ACOT13: variants seen among roughly 807,000 people sequenced by gnomAD.
ACOT13 encodes the protein acyl-coenzyme A thioesterase 13.
Under a neutral mutation model 11.8 loss-of-function variants are expected in ACOT13, and 10 were observed. The observed-to-expected ratio is 0.85, with a 90% CI of 0.53 to 1.44. ACOT13 has a LOEUF of 1.44. Among genes scored for constraint, ACOT13 ranks in the 40% most tolerant of loss-of-function variants. The probability of loss-of-function intolerance (pLI) is 0.00; values close to 1 mark genes in which losing one functional copy is unlikely to be tolerated. For missense variants in ACOT13, 172 were observed against 174.1 expected (o/e 0.99, Z 0.07); for synonymous variants, 53 against 61.0 (o/e 0.87, Z 0.61).
chr6:24,675,414 T>C (rs1020592145), intron 1 of ACOT13, among the ~76,000 whole-genome samples: 1 of 152,160 alleles, frequency 6.6e-6, no homozygotes, highest in African/African-American at 2.4e-5. Context: ...TTTTTAATGA[T>C]CACCATTCTA....
chr6:24,689,952 T>C (rs1778696678), intron 1 of ACOT13, among the ~76,000 whole-genome samples: 1 of 152,198 alleles, frequency 6.6e-6, no homozygotes, highest in African/African-American at 2.4e-5. Context: ...GATGAATACA[T>C]TTTCTCTGCC....
At chr6:24,698,140 A>T in intron 2 of ACOT13, 73 bp downstream of exon 2, 3 of 1,293,668 alleles carry the variant, frequency 2.3e-6, no homozygotes, top group Non-Finnish European at 3.1e-6. Context: ...AAACACATTT[A>T]TATTATTAGT....
intron 1 of ACOT13, among the ~76,000 whole-genome samples, chr6:24,669,558 T>A (rs2206524): frequency 0.72 from 109,329 of 151,854 alleles, 39,549 homozygotes; most frequent in East Asian, 0.85. Flanking sequence ...TTCTTTTTTT[T>A]AAAAAAAATT....
At position 24,703,029 on chromosome 6, in the gene ACOT13, G is replaced by A. The variant is rs551131408; in HGVS notation, c.*1414G>A. ...AGTCTCCTGAGTAGCTGGAACTACA[G>A]GCGTGTGCCACCACGCCTAATTTTA... On this transcript the variant is annotated 3_prime_UTR_variant, in exon 3 of 3. Transcript: ENST00000230048. The A allele has an allele frequency of 3.2e-4, 49 of 152,362 alleles. No homozygotes were observed. Among genetic ancestry groups the A allele is most frequent in the African/African-American group, 1.1e-3 (44 of 41,586 alleles). The allele number at this position is 152,362 out of a possible 1,614,324, so 9.4% of individuals were successfully genotyped here. A position where few individuals can be genotyped will look rare whatever the true frequency, so the allele number is the denominator to read the frequency against.
At chr6:24,683,611 G>A (rs1778587623) in intron 1 of ACOT13, among the ~76,000 whole-genome samples, 1 of 149,346 alleles carries the variant, frequency 6.7e-6, no homozygotes, top group Admixed American at 6.7e-5. Flanking sequence ...TCACAGCTTG[G>A]TTTTATACAT....
At chr6:24,689,039 G>A (rs1163515553) in intron 1 of ACOT13, among the ~76,000 whole-genome samples, 1 of 152,144 alleles carries the variant, frequency 6.6e-6, no homozygotes, top group Admixed American at 6.6e-5. Context: ...ACTATGTTTT[G>A]CTTGTCAGAG....
intron 1 of ACOT13, among the ~76,000 whole-genome samples, chr6:24,682,160 C>T (rs973856691): frequency 1.4e-4 from 22 of 152,362 alleles, no homozygotes; most frequent in African/African-American, 5.1e-4. Context: ...CCGGCGGCCA[C>T]GCTAATCGTT....
intron 1 of ACOT13, among the ~76,000 whole-genome samples, chr6:24,669,556 T>C (rs763423604): frequency 1.3e-5 from 2 of 152,178 alleles, no homozygotes; most frequent in Admixed American, 1.3e-4. Flanking sequence ...TTTTCTTTTT[T>C]TTAAAAAAAA....
In ACOT13 at chr6:24,696,210, A is replaced by C. The variant is rs1342982156; in HGVS notation, c.82-1673A>C. Among the ~76,000 whole-genome samples the C allele has an allele frequency of 3.9e-5, 6 of 152,204 alleles. No individual in the cohort carries two copies. The East Asian group carries it at 1.2e-3, about 29-fold the overall frequency. On this transcript the variant is annotated intron_variant, in intron 1 of 2. Transcript: ENST00000230048. ...ATATCGCGTGGTTCTGTTTTCCTTC[A>C]GGGCCTTCAACAATAAAACCACTAA...
chr6:24,667,190 A>G lies in ACOT13; in HGVS notation c.-74A>G. 2 of 1,476,710 alleles carry G rather than the reference A, an allele frequency of 1.4e-6. No individual in the cohort carries two copies. The highest frequency in any genetic ancestry group is 1.9e-6 in the Non-Finnish European group (2 of 1,066,370). 91.5% of individuals were successfully genotyped at this position (1,476,710 alleles called of 1,614,324 possible). A position where few individuals can be genotyped will look rare whatever the true frequency, so the allele number is the denominator to read the frequency against. On this transcript the variant is annotated 5_prime_UTR_variant, in exon 1 of 3. Transcript: ENST00000230048. ...TCGCCCTTTGTGTCCTCCTTCTTTC[A>G]CTAACTTCTGGACTTTCCAGCTCTT...
chr6:24,697,679 AACT>A (rs148550181), intron 1 of ACOT13, among the ~76,000 whole-genome samples: 83 of 152,318 alleles, frequency 5.4e-4, no homozygotes, highest in African/African-American at 1.9e-3. Flanking sequence ...GATCAGCAAA[AACT>A]ACTATTTTTT....
At chr6:24,694,381 T>A (rs2127627679) in intron 1 of ACOT13, among the ~76,000 whole-genome samples, 1 of 152,322 alleles carries the variant, frequency 6.6e-6, no homozygotes, top group East Asian at 1.9e-4. Flanking sequence ...CTGTTTTGCA[T>A]AATGGTTAAA....
chr6:24,685,503 C>T (rs964626222), intron 1 of ACOT13, among the ~76,000 whole-genome samples: 15 of 151,802 alleles, frequency 9.9e-5, no homozygotes, highest in Non-Finnish European at 1.6e-4. Context: ...CCTGCCACCA[C>T]GCCCGGCTAA....
At chr6:24,667,768 C>T (rs531247493) in intron 1 of ACOT13, among the ~76,000 whole-genome samples, 10 of 152,242 alleles carry the variant, frequency 6.6e-5, no homozygotes, top group Non-Finnish European at 7.4e-5. Context: ...GAGTGGTGAA[C>T]GAAGGGAGAA....
intron 1 of ACOT13, among the ~76,000 whole-genome samples, chr6:24,674,982 T>A (rs1402715585): frequency 1.3e-5 from 2 of 149,352 alleles, no homozygotes; most frequent in East Asian, 2.0e-4. Flanking sequence ...ACATGTGGTG[T>A]TTGGTTTTCT....
In ACOT13 at chr6:24,667,197, T is replaced by G. The variant is rs1778272382; in HGVS notation, c.-67T>G. 6.6e-7 allele frequency: 1 copy of G among 1,515,478 alleles called. No individual in the cohort carries two copies. The highest frequency in any genetic ancestry group is 1.8e-5 in the Admixed American group (1 of 55,954). 93.9% of individuals were successfully genotyped at this position (1,515,478 alleles called of 1,614,324 possible). ...TTGTGTCCTCCTTCTTTCACTAACT[T>G]CTGGACTTTCCAGCTCTTCCGAAGT... is the stretch of plus-strand genomic sequence containing the variant. On this transcript the variant is annotated 5_prime_UTR_variant, in exon 1 of 3. Transcript: ENST00000230048.
At chr6:24,671,445 C>A (rs1369277591) in intron 1 of ACOT13, among the ~76,000 whole-genome samples, 1 of 150,326 alleles carries the variant, frequency 6.7e-6, no homozygotes, top group Non-Finnish European at 1.5e-5. Flanking sequence ...GGGAACATCA[C>A]ACACTGGGGC....
At chr6:24,694,950 C>A (rs1778771662) in intron 1 of ACOT13, among the ~76,000 whole-genome samples, 1 of 152,118 alleles carries the variant, frequency 6.6e-6, no homozygotes, top group Admixed American at 6.5e-5. Flanking sequence ...TTTGTCATCC[C>A]AGCCAAAGTT....
intron 1 of ACOT13, among the ~76,000 whole-genome samples, chr6:24,680,661 C>T (rs535586733): frequency 6.0e-4 from 91 of 152,244 alleles, no homozygotes; most frequent in African/African-American, 2.1e-3. Context: ...CCTTTACCAG[C>T]GTGCCCGACA....
Sources: allele counts gnomAD v4.1 joint callset (sites outside exome capture counted in the v4.1 genomes callset), GRCh38; gene constraint gnomAD v4.1.1; transcripts MANE v1.5; gene names NCBI Gene and HGNC (gene_info 2026-07-23, HGNC 2026-07-21).